The following SETD2 variants were observed in gnomAD, a reference collection of about 807,000 sequenced individuals.
The protein encoded by SETD2 is histone-lysine N-methyltransferase SETD2.
Under a neutral mutation model 242.1 loss-of-function variants are expected in SETD2, and 31 were observed. The observed-to-expected ratio is 0.13, with a 90% CI of 0.10 to 0.17. SETD2 has a LOEUF of 0.17. Among genes scored for constraint, SETD2 ranks in the 10% least tolerant of loss-of-function variants. The pLI is 1.00. For synonymous variants in SETD2, 1,006 were observed against 1,066.5 expected (o/e 0.94, Z 1.11); for missense variants, 2,481 against 3,046.3 (o/e 0.81, Z 4.37).
intron 12 of SETD2, among the ~76,000 whole-genome samples, chr3:47,067,527 G>T (rs1376265348): frequency 6.8e-6 from 1 of 146,598 alleles, no homozygotes; most frequent in Non-Finnish European, 1.5e-5. Context: ...CAATCCTTCT[G>T]CCCCAGCCTC....
chr3:47,149,249 G>A (rs2043929599), intron 1 of SETD2, among the ~76,000 whole-genome samples: 1 of 152,092 alleles, frequency 6.6e-6, no homozygotes, highest in Non-Finnish European at 1.5e-5. Flanking sequence ...CCCAAGTTCT[G>A]ATATGCCACT....
At chr3:47,140,903 G>A (rs1406433996) in intron 1 of SETD2, among the ~76,000 whole-genome samples, 1 of 151,942 alleles carries the variant, frequency 6.6e-6, no homozygotes, top group African/African-American at 2.4e-5. Context: ...TCTAAGTATC[G>A]AATACGAAGA....
At position 47,122,259 on chromosome 3, in the gene SETD2, T is replaced by C. The variant is rs1448411812; in HGVS notation, c.2377A>G (p.Ile793Val). The change falls in exon 3 of 21, where the codon ATA becomes GTA. Residue 793 changes from isoleucine to valine, a missense_variant. Physicochemically the swap from Ile to Val is conservative, Grantham distance 29 (BLOSUM62 3). This residue lies in a region of SETD2 where 1,300 missense variants were observed against 1,259.2 expected (regional missense o/e 1.03). Coordinates refer to ENST00000409792, the MANE Select transcript of SETD2 (RefSeq NM_014159.7). ...VSCCKTKDSD[I>V]YCTLNDSNPS... is the part of the protein sequence containing the mutation. ...TTGCTATCGTTCAAAGTACAGTATATGTCTGAATCTTTGGTTTTGCAGCAA... is the reference window on the plus strand; with the variant it reads ...TTGCTATCGTTCAAAGTACAGTATACGTCTGAATCTTTGGTTTTGCAGCAA... 1.2e-6 allele frequency: 2 copies of C among 1,614,160 alleles called. No homozygotes were observed. The highest frequency in any genetic ancestry group is 1.7e-6 in the Non-Finnish European group (2 of 1,179,994).
intron 1 of SETD2, among the ~76,000 whole-genome samples, chr3:47,162,745 T>A (rs1697527846): frequency 6.6e-6 from 1 of 152,192 alleles, no homozygotes; most frequent in South Asian, 2.1e-4. Context: ...TATCAACCGA[T>A]AAGTTTTAAA....
In SETD2 at chr3:47,052,524, T is replaced by G. The variant is rs1009035918; in HGVS notation, c.6963+4297A>C. Among the ~76,000 whole-genome samples the G allele has an allele frequency of 5.3e-5, 8 of 152,168 alleles. No homozygotes were observed. In the South Asian group the frequency reaches 1.7e-3, roughly 32 times the overall value. On this transcript the variant is annotated intron_variant, in intron 15 of 20. Transcript: ENST00000409792. ...CCCACTCATTCAAATGACTTAAAATTACACAAATGTGGCCAGGCATGGTGG... is the reference window on the plus strand; with the variant it reads ...CCCACTCATTCAAATGACTTAAAATGACACAAATGTGGCCAGGCATGGTGG...
At chr3:47,088,358 G>T (rs2107652697) in intron 9 of SETD2, 111 bp from the exon 10 acceptor site, 5 of 1,023,414 alleles carry the variant, frequency 4.9e-6, no homozygotes, top group Non-Finnish European at 7.1e-6. Flanking sequence ...CACAAATGAA[G>T]ACCAAACTGG....
At chr3:47,024,483 T>TAAAC (rs763114994) in intron 18 of SETD2, among the ~76,000 whole-genome samples, 6 of 148,254 alleles carry the variant, frequency 4.0e-5, no homozygotes, top group Non-Finnish European at 7.4e-5. Flanking sequence ...AATAAACAAA[T>TAAAC]AAACAAACAA....
chr3:47,153,480 G>A (rs1194726452), intron 1 of SETD2, among the ~76,000 whole-genome samples: 1 of 152,180 alleles, frequency 6.6e-6, no homozygotes, highest in Non-Finnish European at 1.5e-5. Context: ...AGGCACAGGG[G>A]TGCCCAGCAC....
Position 47,086,114 on chromosome 3 carries a change from T to A in SETD2, c.5397+81A>T, listed in dbSNP as rs896471633. 3.3e-5 allele frequency: 49 copies of A among 1,470,636 alleles called. No homozygotes were observed. The East Asian group carries it at 1.0e-3, about 31-fold the overall frequency. 91.1% of individuals were successfully genotyped at this position (1,470,636 alleles called of 1,614,324 possible). A position where few individuals can be genotyped will look rare whatever the true frequency, so the allele number is the denominator to read the frequency against. On this transcript the variant is annotated intron_variant, in intron 11 of 20. Transcript: ENST00000409792. ...CAATGATACAGTGCTAAATTCATAA[T>A]TACTGATATTATCACATATCCACAA...
intron 8 of SETD2, among the ~76,000 whole-genome samples, chr3:47,100,091 T>G (rs887982322): frequency 3.4e-4 from 51 of 150,274 alleles, no homozygotes; most frequent in Non-Finnish European, 6.2e-4. Context: ...TACAGGCATG[T>G]GCCACCCCAC....
intron 3 of SETD2, among the ~76,000 whole-genome samples, chr3:47,119,280 ATTACTC>A (rs1370892291): frequency 1.3e-5 from 2 of 152,180 alleles, no homozygotes; most frequent in African/African-American, 4.8e-5. Flanking sequence ...CTATGTTTTC[ATTACTC>A]TTATTCTCAT....
At position 47,062,278 on chromosome 3, in the gene SETD2, A is replaced by G. The variant is rs1465373100; in HGVS notation, c.6178T>C (p.Ser2060Pro). The change falls in exon 14 of 21, where the codon TCA becomes CCA. Residue 2060 changes from serine (S) to proline (P), a missense_variant. This residue lies in a region of SETD2 where 80 missense variants were observed against 102.6 expected (regional missense o/e 0.78). Transcript: ENST00000409792. ...TGCTTGTCTGGGTCTCTCTCTCTTG[A>G]CCTATTAGGAGTCTTCGGGGCAGGT... ...QTPAPKTPNR[S>P]RERDPDKQTQ... The G allele has an allele frequency of 3.1e-6, 5 of 1,613,268 alleles. No individual in the cohort carries two copies. Among genetic ancestry groups the G allele is most frequent in the South Asian group, 1.1e-5 (1 of 91,040 alleles).
At chr3:47,099,151 A>AT (rs1394048144) in intron 8 of SETD2, among the ~76,000 whole-genome samples, 2 of 152,210 alleles carry the variant, frequency 1.3e-5, no homozygotes, top group Non-Finnish European at 2.9e-5. Context: ...GTGAAGGAGT[A>AT]TGTAAAAGAC....
At chr3:47,147,216 T>C (rs2043875995) in intron 1 of SETD2, among the ~76,000 whole-genome samples, 1 of 151,956 alleles carries the variant, frequency 6.6e-6, no homozygotes, top group South Asian at 2.1e-4. Flanking sequence ...TTTCACCATG[T>C]TGGCCAGGCT....
chr3:47,118,241 CA>C, intron 3 of SETD2, among the ~76,000 whole-genome samples: 1 of 152,202 alleles, frequency 6.6e-6, no homozygotes, highest in Non-Finnish European at 1.5e-5. Context: ...TTTGAAGAAT[CA>C]GCAGCAGCTT....
At chr3:47,034,306 G>T (rs1053091456) in intron 18 of SETD2, among the ~76,000 whole-genome samples, 14 of 152,130 alleles carry the variant, frequency 9.2e-5, no homozygotes, top group African/African-American at 3.4e-4. Context: ...GTATTAGGAG[G>T]AATGTTTTCT....
At chr3:47,147,916 T>G (rs1162368681) in intron 1 of SETD2, among the ~76,000 whole-genome samples, 24 of 88,166 alleles carry the variant, frequency 2.7e-4, no homozygotes, top group African/African-American at 1.2e-3. Flanking sequence ...AGACTCTGTC[T>G]CAAAAAAAAA....
At chr3:47,134,693 G>A (rs1268287786) in intron 1 of SETD2, among the ~76,000 whole-genome samples, 1 of 151,692 alleles carries the variant, frequency 6.6e-6, no homozygotes, top group Non-Finnish European at 1.5e-5. Context: ...GCAATGGCAC[G>A]ATCTTGGCTC....
Position 47,037,844 on chromosome 3 carries a change from C to T in SETD2, c.7239-67G>A. 2 of 1,066,210 alleles carry T rather than the reference C, an allele frequency of 1.9e-6. 1 individual carries two copies. The highest frequency in any genetic ancestry group is 2.5e-5 in the South Asian group (2 of 79,412). The allele number at this position is 1,066,210 out of a possible 1,614,324, so 66.0% of individuals were successfully genotyped here. ...ACAGAGAATCCTGACATAAACATCACTGCTCATACATACATAAAATACAAC... is the reference window on the plus strand; with the variant it reads ...ACAGAGAATCCTGACATAAACATCATTGCTCATACATACATAAAATACAAC... On this transcript the variant is annotated intron_variant, in intron 17 of 20. Transcript: ENST00000409792.
Sources: allele counts gnomAD v4.1 joint callset (sites outside exome capture counted in the v4.1 genomes callset), GRCh38; gene constraint gnomAD v4.1.1; regional missense constraint gnomAD v4.1.1; transcripts MANE v1.5; gene names NCBI Gene and HGNC (gene_info 2026-07-23, HGNC 2026-07-21).